The following PRICKLE1 variants were observed in gnomAD, a reference collection of about 807,000 sequenced individuals.
PRICKLE1 encodes prickle-like protein 1.
A neutral mutation model predicts 70.2 loss-of-function variants in PRICKLE1; 14 were observed. That is an observed-to-expected ratio of 0.20 (90% confidence interval 0.13 to 0.31). The LOEUF (loss-of-function observed/expected upper bound fraction) is 0.31, where lower values mean the gene tolerates loss of function less well. PRICKLE1 is among the 10% of genes least tolerant of loss of function. The pLI is 1.00. For missense variants in PRICKLE1, 821 were observed against 1,026.2 expected (o/e 0.80, Z 2.73); for synonymous variants, 357 against 379.9 (o/e 0.94, Z 0.70).
At chr12:42,545,844 C>T (rs899517705) in intron 1 of PRICKLE1, among the ~76,000 whole-genome samples, 9 of 139,010 alleles carry the variant, frequency 6.5e-5, no homozygotes, top group Non-Finnish European at 1.1e-4. Flanking sequence ...AGCAAGACTC[C>T]GTCTCAAAAA....
chr12:42,470,780 C>A (rs1938289802), intron 2 of PRICKLE1, among the ~76,000 whole-genome samples: 1 of 152,026 alleles, frequency 6.6e-6, no homozygotes, highest in Non-Finnish European at 1.5e-5. Flanking sequence ...GTGATGCACG[C>A]CTGTAATCCT....
chr12:42,556,241 C>T (rs1940411039), intron 1 of PRICKLE1, among the ~76,000 whole-genome samples: 1 of 152,074 alleles, frequency 6.6e-6, no homozygotes, highest in Non-Finnish European at 1.5e-5. Flanking sequence ...TCAATGTTTC[C>T]CAGGCCCAAG....
chr12:42,482,321 G>A (rs1254420067), intron 1 of PRICKLE1, among the ~76,000 whole-genome samples: 1 of 152,238 alleles, frequency 6.6e-6, no homozygotes, highest in African/African-American at 2.4e-5. Context: ...CAGATTATCC[G>A]CACACGAGTA....
intron 1 of PRICKLE1, among the ~76,000 whole-genome samples, chr12:42,580,157 G>A (rs1039304606): frequency 6.6e-6 from 1 of 152,064 alleles, no homozygotes; most frequent in Non-Finnish European, 1.5e-5. Flanking sequence ...TTACAGGTGT[G>A]AGTCACCACA....
chr12:42,502,684 A>G (rs946134944), intron 1 of PRICKLE1, among the ~76,000 whole-genome samples: 1 of 151,948 alleles, frequency 6.6e-6, no homozygotes, highest in African/African-American at 2.4e-5. Context: ...CACATTTTAC[A>G]CTGGAATGTA....
At chr12:42,539,960 T>C (rs1268335316) in intron 1 of PRICKLE1, among the ~76,000 whole-genome samples, 1 of 152,186 alleles carries the variant, frequency 6.6e-6, no homozygotes, top group South Asian at 2.1e-4. Context: ...TCTCTCCCAG[T>C]GGGCATTCTA....
At chr12:42,537,236 G>A (rs1218851604) in intron 1 of PRICKLE1, among the ~76,000 whole-genome samples, 1 of 151,780 alleles carries the variant, frequency 6.6e-6, no homozygotes, top group East Asian at 1.9e-4. Context: ...GTTCATCAAT[G>A]TAGCCTCAAC....
At position 42,539,285 on chromosome 12, in the gene PRICKLE1, G is replaced by C. The variant is rs548023112; in HGVS notation, c.-49+50180C>G. Among the ~76,000 whole-genome samples the C allele has an allele frequency of 2.3e-4, 35 of 152,126 alleles. No individual in the cohort carries two copies. The South Asian group carries it at 7.1e-3, about 31-fold the overall frequency. On this transcript the variant is annotated intron_variant, in intron 1 of 7. Transcript: ENST00000345127. ...GATCGAGACCATCCTGGCTAACACGGTGAAACCCTGTCTCTACTAAAAAAT... is the reference window on the plus strand; with the variant it reads ...GATCGAGACCATCCTGGCTAACACGCTGAAACCCTGTCTCTACTAAAAAAT...
intron 7 of PRICKLE1, 136 bp from the exon 8 acceptor site, chr12:42,460,801 C>T: frequency 3.1e-6 from 3 of 978,718 alleles, no homozygotes; most frequent in Non-Finnish European, 4.7e-6. Flanking sequence ...ATAGGGAAAG[C>T]CAACATGTAT....
At chr12:42,568,187 T>G (rs1326481512) in intron 1 of PRICKLE1, among the ~76,000 whole-genome samples, 2 of 152,232 alleles carry the variant, frequency 1.3e-5, no homozygotes, top group African/African-American at 2.4e-5. Flanking sequence ...TACATATGTA[T>G]TTTTTGAGAT....
chr12:42,460,723 T>G, intron 7 of PRICKLE1, 58 bp from the exon 8 acceptor site: 1 of 1,576,408 alleles, frequency 6.3e-7, no homozygotes, highest in South Asian at 1.1e-5. Context: ...TCGACAGTAC[T>G]TAAAAGTAAG....
chr12:42,538,370 G>A (rs1940050400), intron 1 of PRICKLE1, among the ~76,000 whole-genome samples: 1 of 152,094 alleles, frequency 6.6e-6, no homozygotes, highest in Non-Finnish European at 1.5e-5. Context: ...TAGTGATCTG[G>A]GGTCAAAAAC....
chr12:42,552,288 G>C (rs1359971631), intron 1 of PRICKLE1, among the ~76,000 whole-genome samples: 1 of 151,958 alleles, frequency 6.6e-6, no homozygotes, highest in Non-Finnish European at 1.5e-5. Context: ...GGCTGGTCTT[G>C]AACTCCCGGG....
At chr12:42,491,369 A>G (rs1293599009) in intron 1 of PRICKLE1, among the ~76,000 whole-genome samples, 2 of 151,270 alleles carry the variant, frequency 1.3e-5, no homozygotes, top group Non-Finnish European at 2.9e-5. Context: ...CCTGGCCAAC[A>G]TGGTGAAACC....
chr12:42,526,077 T>C (rs547276963), intron 1 of PRICKLE1, among the ~76,000 whole-genome samples: 3 of 152,314 alleles, frequency 2.0e-5, no homozygotes, highest in African/African-American at 7.2e-5. Context: ...AAAATGCTAA[T>C]GTATTCATTG....
chr12:42,510,839 G>C (rs187233441), intron 1 of PRICKLE1, among the ~76,000 whole-genome samples: 1 of 152,272 alleles, frequency 6.6e-6, no homozygotes, highest in East Asian at 1.9e-4. Flanking sequence ...TCTGTTAAAA[G>C]CTCTAATAAA....
intron 1 of PRICKLE1, among the ~76,000 whole-genome samples, chr12:42,490,294 T>C (rs923254333): frequency 1.3e-5 from 2 of 152,160 alleles, no homozygotes; most frequent in Non-Finnish European, 2.9e-5. Flanking sequence ...TGGAATGGGT[T>C]TGGGACAGGG....
intron 1 of PRICKLE1, among the ~76,000 whole-genome samples, chr12:42,545,860 A>G (rs983158529): frequency 7.1e-6 from 1 of 141,116 alleles, no homozygotes; most frequent in Non-Finnish European, 1.6e-5. Context: ...AAAAAAGAAA[A>G]AAAAAAAATA....
At position 42,535,837 on chromosome 12, in the gene PRICKLE1, G is replaced by T. The variant is rs146918273; in HGVS notation, c.-49+53628C>A. Among the ~76,000 whole-genome samples, 417 of 152,240 alleles carry T rather than the reference G, an allele frequency of 2.7e-3. 2 individuals carry two copies. The highest frequency in any genetic ancestry group is 9.4e-3 in the African/African-American group (389 of 41,544). On this transcript the variant is annotated intron_variant, in intron 1 of 7. Transcript: ENST00000345127. Reference sequence around the variant, plus strand: ...AAGAAAATAAATATAGATATAAACAGCCAGGAGTCAATAAATAGTTATTGG... The same window carrying T: ...AAGAAAATAAATATAGATATAAACATCCAGGAGTCAATAAATAGTTATTGG...
Sources: gnomAD v4.1 joint callset for allele counts (sites outside exome capture counted in the v4.1 genomes callset) on GRCh38, gnomAD v4.1.1 for gene constraint, MANE v1.5 for transcripts, NCBI Gene and HGNC (gene_info 2026-07-23, HGNC 2026-07-21) for gene names.